Variants in NCAM2 observed in about 807,000 individuals in gnomAD.
The protein encoded by NCAM2 is neural cell adhesion molecule 2.
A neutral mutation model predicts 98.1 loss-of-function variants in NCAM2; 30 were observed. The ratio of observed to expected loss-of-function variants is 0.31; its 90% CI spans 0.23 to 0.41. The LOEUF (loss-of-function observed/expected upper bound fraction) is 0.41. Ranked by LOEUF, NCAM2 falls within the 10% of genes least tolerant of loss-of-function variation. NCAM2 has a pLI of 1.00. For synonymous variants in NCAM2, 368 were observed against 342.4 expected, an observed-to-expected ratio of 1.07 and a Z score of -0.83; for missense variants, 867 against 1,005.8, an observed-to-expected ratio of 0.86 and a Z score of 1.87.
intron 5 of NCAM2, among the ~76,000 whole-genome samples, chr21:21,314,452 C>T (rs2074155285): frequency 6.6e-6 from 1 of 152,074 alleles, no homozygotes; most frequent in Non-Finnish European, 1.5e-5. Flanking sequence ...TGATGTGCCT[C>T]AACATGAACT....
At chr21:21,469,365 G>A (rs17003870) in intron 14 of NCAM2, among the ~76,000 whole-genome samples, 10,001 of 144,398 alleles carry the variant, frequency 0.069, 488 homozygotes, top group African/African-American at 0.13. Flanking sequence ...CAGAGTCATA[G>A]AGTGACACTA....
intron 1 of NCAM2, among the ~76,000 whole-genome samples, chr21:21,251,830 G>A (rs983944179): frequency 6.7e-6 from 1 of 148,688 alleles, no homozygotes; most frequent in East Asian, 2.0e-4. Context: ...TTGCAAAAAT[G>A]TTCTCCCATT....
Position 21,529,092 on chromosome 21 carries a change from G to A in NCAM2, c.2283-5445G>A, listed in dbSNP as rs191493978. 9.1e-4 allele frequency among the ~76,000 whole-genome samples: 139 copies of A among 152,148 alleles called. 1 individual carries two copies. In the South Asian group the frequency reaches 0.011, roughly 12 times the overall value. ...ATGGTTGATTCATAAAAACACAGAT[G>A]AATGAGGTCTTATTGGATGTTCAGT... is the stretch of plus-strand genomic sequence containing the variant. On this transcript the variant is annotated intron_variant, in intron 16 of 17. Coordinates refer to ENST00000400546, the MANE Select transcript of NCAM2 (RefSeq NM_004540.5).
At chr21:21,251,847 G>T (rs1322502013) in intron 1 of NCAM2, among the ~76,000 whole-genome samples, 1 of 151,120 alleles carries the variant, frequency 6.6e-6, no homozygotes, top group Non-Finnish European at 1.5e-5. Context: ...CATTCTGTAG[G>T]TTGCCTGTTC....
chr21:21,294,090 G>A (rs546038407), intron 5 of NCAM2, among the ~76,000 whole-genome samples: 5 of 151,454 alleles, frequency 3.3e-5, no homozygotes, highest in Admixed American at 2.6e-4. Flanking sequence ...TGGTGCAAAA[G>A]TAATTGTGGT....
intron 16 of NCAM2, among the ~76,000 whole-genome samples, chr21:21,523,309 T>G (rs888766176): frequency 6.6e-6 from 1 of 151,964 alleles, no homozygotes; most frequent in African/African-American, 2.4e-5. Context: ...CTTCTAGTAG[T>G]TTCACGGGTT....
At chr21:21,284,538 A>G (rs1189575841) in intron 3 of NCAM2, 138 bp downstream of exon 3, 5 of 673,032 alleles carry the variant, frequency 7.4e-6, no homozygotes, top group Non-Finnish European at 7.6e-6. Flanking sequence ...GCTTTACCAG[A>G]GTGTATCTTA....
At chr21:21,433,525 G>A (rs1033648314) in intron 12 of NCAM2, among the ~76,000 whole-genome samples, 3 of 151,644 alleles carry the variant, frequency 2.0e-5, no homozygotes, top group Non-Finnish European at 4.4e-5. Flanking sequence ...GGATCATGAG[G>A]TCAGGAGACC....
intron 1 of NCAM2, among the ~76,000 whole-genome samples, chr21:21,260,102 T>C (rs2071836631): frequency 6.6e-6 from 1 of 151,474 alleles, no homozygotes; most frequent in Non-Finnish European, 1.5e-5. Context: ...GAAACAATTT[T>C]AGAGATTGAA....
intron 1 of NCAM2, among the ~76,000 whole-genome samples, chr21:21,120,543 G>A (rs1055910753): frequency 1.3e-5 from 2 of 152,062 alleles, no homozygotes; most frequent in East Asian, 1.9e-4. Flanking sequence ...TTAAGCCTGC[G>A]TGTTCACAGG....
intron 11 of NCAM2, among the ~76,000 whole-genome samples, chr21:21,424,892 C>T (rs984217485): frequency 6.6e-6 from 1 of 151,136 alleles, no homozygotes; most frequent in East Asian, 1.9e-4. Context: ...AAATATTAGC[C>T]GGGTGTGGTG....
intron 9 of NCAM2, among the ~76,000 whole-genome samples, chr21:21,409,006 A>T: frequency 8.3e-6 from 1 of 120,716 alleles, no homozygotes; most frequent in Non-Finnish European, 2.0e-5. Flanking sequence ...AATATTTAAA[A>T]GTTAAATGAC....
At chr21:21,311,791 AT>A (rs1042488363) in intron 5 of NCAM2, among the ~76,000 whole-genome samples, 1 of 139,572 alleles carries the variant, frequency 7.2e-6, no homozygotes, top group Non-Finnish European at 1.6e-5. Flanking sequence ...TTTAAAAAAA[AT>A]TTTGGTTTCC....
intron 1 of NCAM2, among the ~76,000 whole-genome samples, chr21:21,272,975 TCA>T (rs1568868109): frequency 3.5e-4 from 7 of 20,152 alleles, no homozygotes; most frequent in Non-Finnish European, 7.7e-4. Context: ...GGACATGCAT[TCA>T]CACACATACA....
chr21:21,242,588 G>A (rs1006487063), intron 1 of NCAM2, among the ~76,000 whole-genome samples: 17 of 152,042 alleles, frequency 1.1e-4, no homozygotes, highest in Non-Finnish European at 1.8e-4. Context: ...AGATCCTGCC[G>A]AAGTAGTCTT....
At position 21,373,886 on chromosome 21, in the gene NCAM2, C is replaced by T; in HGVS notation, c.1068C>T (p.Val356=). ...GDKSLDGRIE[V]KGQHGSSSLH... is the part of the protein sequence containing the mutation. ...AGAGCCTGGACGGCCGTATCGAAGT[C>T]AAAGGGCAGCATGGAAGCTCATCAC... The change falls in exon 9 of 18, where the codon GTC becomes GTT. Residue 356 remains valine, a synonymous_variant. Coordinates refer to ENST00000400546, the MANE Select transcript of NCAM2 (RefSeq NM_004540.5). The T allele has an allele frequency of 6.2e-7, 1 of 1,608,550 alleles. No homozygotes were observed. Among genetic ancestry groups the T allele is most frequent in the Non-Finnish European group, 8.5e-7 (1 of 1,177,080 alleles).
At chr21:21,130,575 A>T (rs951014821) in intron 1 of NCAM2, among the ~76,000 whole-genome samples, 1 of 152,132 alleles carries the variant, frequency 6.6e-6, no homozygotes, top group Non-Finnish European at 1.5e-5. Flanking sequence ...ATTATTGGTA[A>T]TCTGTTGGGG....
At chr21:21,266,576 A>G (rs2072285051) in intron 1 of NCAM2, among the ~76,000 whole-genome samples, 1 of 152,128 alleles carries the variant, frequency 6.6e-6, no homozygotes, top group Non-Finnish European at 1.5e-5. Flanking sequence ...TTGTAGGGAC[A>G]TGGATGAAGC....
chr21:21,324,637 T>G, intron 6 of NCAM2, 137 bp downstream of exon 6: 1 of 656,600 alleles, frequency 1.5e-6, no homozygotes, highest in Non-Finnish European at 2.6e-6. Flanking sequence ...GGTGCTATCT[T>G]TGGGGCTTAC....
Sources: gnomAD v4.1 joint callset for allele counts (sites outside exome capture counted in the v4.1 genomes callset) on GRCh38, gnomAD v4.1.1 for gene constraint, MANE v1.5 for transcripts, NCBI Gene and HGNC (gene_info 2026-07-23, HGNC 2026-07-21) for gene names.